Variants in DNER observed in about 807,000 individuals in gnomAD.
The protein encoded by DNER is delta and Notch-like epidermal growth factor-related receptor.
Under a neutral mutation model 78.2 loss-of-function variants are expected in DNER, and 33 were observed. That is an observed-to-expected ratio of 0.42 (90% CI 0.32 to 0.56). DNER has a LOEUF of 0.56. Ranked by LOEUF, DNER falls within the 20% of genes least tolerant of loss-of-function variation. The probability of loss-of-function intolerance (pLI) is 0.11; values close to 1 mark genes in which losing one functional copy is unlikely to be tolerated. For missense variants in DNER, 918 were observed against 975.3 expected (o/e 0.94, Z 0.78); for synonymous variants, 417 against 384.8 (o/e 1.08, Z -0.98).
chr2:229,552,746 C>T (rs568780586), intron 4 of DNER, among the ~76,000 whole-genome samples: 71 of 152,230 alleles, frequency 4.7e-4, no homozygotes, highest in Non-Finnish European at 7.8e-4. Context: ...GTCTTTGTAG[C>T]GGTGTGAAAA....
chr2:229,610,412 C>T (rs1698024616), intron 1 of DNER, among the ~76,000 whole-genome samples: 1 of 152,216 alleles, frequency 6.6e-6, no homozygotes, highest in South Asian at 2.1e-4. Context: ...TAACTGAGAC[C>T]CGCATTCAGA....
At chr2:229,697,669 G>A (rs1699682659) in intron 1 of DNER, among the ~76,000 whole-genome samples, 1 of 152,140 alleles carries the variant, frequency 6.6e-6, no homozygotes. Context: ...CTAATGGACT[G>A]TGGTCAGAGG....
At chr2:229,411,812 T>C (rs1362742381) in intron 9 of DNER, among the ~76,000 whole-genome samples, 4 of 152,078 alleles carry the variant, frequency 2.6e-5, no homozygotes, top group East Asian at 3.9e-4. Flanking sequence ...TCAAACATAA[T>C]ATCCTATTAT....
chr2:229,461,438 T>C (rs1484719305), intron 7 of DNER, among the ~76,000 whole-genome samples: 2 of 151,948 alleles, frequency 1.3e-5, no homozygotes, highest in East Asian at 1.9e-4. Flanking sequence ...TTATAGAATA[T>C]GCAAATTAAA....
intron 10 of DNER, among the ~76,000 whole-genome samples, chr2:229,403,488 T>C (rs1693313434): frequency 6.6e-6 from 1 of 152,172 alleles, no homozygotes; most frequent in Non-Finnish European, 1.5e-5. Context: ...CTTTTTTCCA[T>C]GGAGCATCTC....
intron 1 of DNER, among the ~76,000 whole-genome samples, chr2:229,593,776 T>C (rs1559176708): frequency 6.6e-6 from 1 of 152,236 alleles, no homozygotes; most frequent in African/African-American, 2.4e-5. Context: ...AAGAATTTTA[T>C]TCACGTGAAC....
At chr2:229,590,722 T>C (rs577611653) in intron 2 of DNER, among the ~76,000 whole-genome samples, 123 of 152,344 alleles carry the variant, frequency 8.1e-4, no homozygotes, top group Non-Finnish European at 1.6e-3. Context: ...CACCAGACTC[T>C]GAATCTGCCT....
At chr2:229,593,872 T>C (rs370854277) in intron 1 of DNER, among the ~76,000 whole-genome samples, 1 of 152,240 alleles carries the variant, frequency 6.6e-6, no homozygotes, top group Non-Finnish European at 1.5e-5. Context: ...TTTCAATACA[T>C]GCATTAAAAA....
chr2:229,364,578 C>A (rs959123876), intron 12 of DNER, among the ~76,000 whole-genome samples: 3 of 152,088 alleles, frequency 2.0e-5, no homozygotes, highest in African/African-American at 7.2e-5. Context: ...TCTCTGTCCT[C>A]CCTCGCAGTT....
intron 1 of DNER, among the ~76,000 whole-genome samples, chr2:229,614,634 G>T (rs1299910411): frequency 2.6e-5 from 4 of 152,194 alleles, no homozygotes; most frequent in African/African-American, 9.7e-5. Flanking sequence ...GCTAGACAGG[G>T]TTGTCTTGAG....
At chr2:229,435,992 C>A (rs930131281) in intron 8 of DNER, among the ~76,000 whole-genome samples, 2 of 151,980 alleles carry the variant, frequency 1.3e-5, no homozygotes, top group Admixed American at 6.6e-5. Flanking sequence ...GATACACAGG[C>A]AGGTTTTTCA....
intron 1 of DNER, among the ~76,000 whole-genome samples, chr2:229,631,575 A>G (rs1263471659): frequency 2.0e-5 from 3 of 152,210 alleles, no homozygotes; most frequent in Non-Finnish European, 2.9e-5. Context: ...ACTGAGCATT[A>G]TTATTTTCAT....
rs76910713 is a variant in DNER at position 229,685,274 on chromosome 2, C to T, written c.276+28874G>A. 6.9e-3 allele frequency among the ~76,000 whole-genome samples: 799 copies of T among 115,596 alleles called. 10 individuals carry two copies. The highest frequency in any genetic ancestry group is 0.025 in the African/African-American group (775 of 30,492). The allele number at this position is 115,596 out of a possible 152,430, so 75.8% of individuals were successfully genotyped here. ...CTGTTCTGTTTTAAATAAAACTATGCAAATGAATAAATACTTCACAGGATC... is the reference window on the plus strand; with the variant it reads ...CTGTTCTGTTTTAAATAAAACTATGTAAATGAATAAATACTTCACAGGATC... On this transcript the variant is annotated intron_variant, in intron 1 of 12. Coordinates refer to ENST00000341772, the MANE Select transcript of DNER (RefSeq NM_139072.4).
Position 229,366,865 on chromosome 2 carries a change from C to A in DNER, c.2102+8G>T, listed in dbSNP as rs747487250. 5.6e-6 allele frequency: 9 copies of A among 1,613,866 alleles called. No individual in the cohort carries two copies. Among genetic ancestry groups the A allele is most frequent in the Non-Finnish European group, 6.8e-6 (8 of 1,179,972 alleles). ...GGCAGCATTCCCCACGCCGCCCCCA[C>A]AGCCAACCTGGCATGCCGGATGGAT... On this transcript the variant is annotated splice_region_variant and intron_variant, in intron 12 of 12. Coordinates refer to ENST00000341772, the MANE Select transcript of DNER (RefSeq NM_139072.4).
At chr2:229,483,438 T>C (rs996385712) in intron 6 of DNER, among the ~76,000 whole-genome samples, 5 of 152,174 alleles carry the variant, frequency 3.3e-5, no homozygotes, top group Non-Finnish European at 7.3e-5. Context: ...GTGTGATGAT[T>C]GAGAAAAAAT....
At chr2:229,363,193 T>C (rs979058967) in intron 12 of DNER, among the ~76,000 whole-genome samples, 1 of 152,120 alleles carries the variant, frequency 6.6e-6, no homozygotes, top group African/African-American at 2.4e-5. Context: ...GGGGTCTCCT[T>C]CTCAACCCTA....
intron 7 of DNER, among the ~76,000 whole-genome samples, chr2:229,450,377 C>G (rs1694431580): frequency 6.6e-6 from 1 of 151,950 alleles, no homozygotes; most frequent in Non-Finnish European, 1.5e-5. Context: ...CTACTAGAAC[C>G]CAGTAGAAGA....
intron 8 of DNER, among the ~76,000 whole-genome samples, chr2:229,442,667 A>C (rs1428116040): frequency 2.0e-5 from 3 of 152,156 alleles, no homozygotes; most frequent in Non-Finnish European, 2.9e-5. Context: ...AGGTATATTT[A>C]TTTCTTTATT....
chr2:229,473,399 C>T (rs1694965927), intron 7 of DNER, among the ~76,000 whole-genome samples: 1 of 152,140 alleles, frequency 6.6e-6, no homozygotes, highest in Admixed American at 6.5e-5. Flanking sequence ...AGCACTAGAG[C>T]CCATTTCTGG....
Sources: gnomAD v4.1 joint callset for allele counts (sites outside exome capture counted in the v4.1 genomes callset) on GRCh38, gnomAD v4.1.1 for gene constraint, MANE v1.5 for transcripts, NCBI Gene and HGNC (gene_info 2026-07-23, HGNC 2026-07-21) for gene names.